The following TAB2 variants were observed in gnomAD, a reference collection of about 807,000 sequenced individuals.
The protein encoded by TAB2 is TGF-beta activated kinase 1 (MAP3K7) binding protein 2, also known as TGF-beta-activated kinase 1 and MAP3K7-binding protein 2.
In TAB2, 3 loss-of-function variants were observed where a neutral mutation model predicts 65.0. The ratio of observed to expected loss-of-function variants is 0.05; its 90% CI spans 0.02 to 0.12. The LOEUF (loss-of-function observed/expected upper bound fraction) is 0.12. TAB2 is among the 10% of genes least tolerant of loss of function. TAB2 has a pLI of 1.00. For synonymous variants in TAB2, 298 were observed against 285.1 expected (o/e 1.05, Z -0.46); for missense variants, 623 against 840.3 (o/e 0.74, Z 3.20).
chr6:149,231,768 C>T (rs73602095), intron 1 of TAB2, among the ~76,000 whole-genome samples: 14,101 of 152,146 alleles, frequency 0.093, 1,094 homozygotes, highest in African/African-American at 0.22. Flanking sequence ...ACATTTAGAC[C>T]GTATCTCTGG....
chr6:149,239,389 G>T (rs1225641161), intron 1 of TAB2, among the ~76,000 whole-genome samples: 1 of 152,158 alleles, frequency 6.6e-6, no homozygotes, highest in African/African-American at 2.4e-5. Flanking sequence ...CCATTTGATG[G>T]GCAGACCTCT....
At chr6:149,336,300 T>TA (rs1459732129) in intron 1 of TAB2, among the ~76,000 whole-genome samples, 1 of 152,216 alleles carries the variant, frequency 6.6e-6, no homozygotes, top group Admixed American at 6.5e-5. Flanking sequence ...TAGGTTCTGA[T>TA]AGAGGTGAAC....
At chr6:149,259,052 G>A (rs1298573033) in intron 1 of TAB2, among the ~76,000 whole-genome samples, 2 of 152,264 alleles carry the variant, frequency 1.3e-5, no homozygotes, top group East Asian at 3.9e-4. Context: ...CCTCCAGAAA[G>A]GAACACAATG....
chr6:149,274,615 T>C (rs2166493), intron 1 of TAB2, among the ~76,000 whole-genome samples: 81,341 of 152,100 alleles, frequency 0.53, 23,802 homozygotes, highest in African/African-American at 0.78. Flanking sequence ...AAAGAGGCTA[T>C]ACTCATTGTC....
chr6:149,269,514 T>G (rs560355074), intron 1 of TAB2, among the ~76,000 whole-genome samples: 61 of 152,286 alleles, frequency 4.0e-4, no homozygotes, highest in African/African-American at 1.4e-3. Context: ...TATAGAGTTG[T>G]GTAACCACCA....
intron 2 of TAB2, among the ~76,000 whole-genome samples, chr6:149,370,741 T>C (rs150242968): frequency 3.8e-4 from 58 of 152,288 alleles, no homozygotes; most frequent in Admixed American, 7.2e-4. Context: ...TGTGCCTTTC[T>C]ATTTTATTAA....
chr6:149,370,775 T>C (rs1781198164), intron 2 of TAB2, among the ~76,000 whole-genome samples: 1 of 152,082 alleles, frequency 6.6e-6, no homozygotes. Context: ...GTATCAGAAA[T>C]GTATTTGGGG....
chr6:149,260,868 G>A (rs1298939582), intron 1 of TAB2, among the ~76,000 whole-genome samples: 1 of 152,094 alleles, frequency 6.6e-6, no homozygotes, highest in Non-Finnish European at 1.5e-5. Context: ...CAAAACCTTC[G>A]TTTCCCACAT....
chr6:149,241,394 G>A (rs543636614), intron 1 of TAB2, among the ~76,000 whole-genome samples: 156 of 152,220 alleles, frequency 1.0e-3, no homozygotes, highest in African/African-American at 3.1e-3. Context: ...TTGATCCTGC[G>A]TACTGTAAAT....
At chr6:149,338,771 A>C (rs1194281906) in intron 1 of TAB2, among the ~76,000 whole-genome samples, 3 of 152,224 alleles carry the variant, frequency 2.0e-5, no homozygotes, top group Admixed American at 6.5e-5. Flanking sequence ...GGTGTGCCTA[A>C]ATAAGTGAAG....
At chr6:149,379,638 G>A in intron 3 of TAB2, 120 bp downstream of exon 3, 1 of 905,288 alleles carries the variant, frequency 1.1e-6, no homozygotes, top group Non-Finnish European at 1.8e-6. Context: ...TGCCCCAAAT[G>A]ATGTTATTGT....
At chr6:149,366,682 G>C (rs1202822056) in intron 1 of TAB2, among the ~76,000 whole-genome samples, 1 of 151,980 alleles carries the variant, frequency 6.6e-6, no homozygotes. Context: ...CATTTCTACT[G>C]TTTATAGTTG....
intron 1 of TAB2, among the ~76,000 whole-genome samples, chr6:149,326,549 ATTATT>A (rs1412140541): frequency 1.8e-5 from 1 of 54,058 alleles, no homozygotes; most frequent in South Asian, 9.6e-4. Context: ...TGTTTTTGTT[ATTATT>A]TTTTTTTTTT....
intron 1 of TAB2, among the ~76,000 whole-genome samples, chr6:149,232,199 C>T (rs1023846679): frequency 4.6e-5 from 7 of 152,078 alleles, no homozygotes; most frequent in Non-Finnish European, 1.0e-4. Flanking sequence ...CGGGGACCAC[C>T]AGCCAACCCA....
chr6:149,229,635 C>A (rs149068575), intron 1 of TAB2, among the ~76,000 whole-genome samples: 45 of 152,202 alleles, frequency 3.0e-4, no homozygotes, highest in African/African-American at 1.1e-3. Context: ...GGAGGCCTGG[C>A]AATAGGTGGT....
chr6:149,256,172 C>T (rs1040869145), intron 1 of TAB2, among the ~76,000 whole-genome samples: 5 of 152,268 alleles, frequency 3.3e-5, no homozygotes, highest in East Asian at 3.9e-4. Context: ...GAAGAGGAAA[C>T]ATTTTACAGT....
intron 1 of TAB2, among the ~76,000 whole-genome samples, chr6:149,359,144 GGATT>G: frequency 6.6e-6 from 1 of 151,910 alleles, no homozygotes; most frequent in South Asian, 2.1e-4. Context: ...TACTCATGGT[GGATT>G]ATTTCTTTGT....
At chr6:149,399,010 A>T in intron 5 of TAB2, 94 bp from the exon 6 acceptor site, 1 of 1,039,282 alleles carries the variant, frequency 9.6e-7, no homozygotes, top group Non-Finnish European at 1.5e-6. Context: ...CATTTCTTAT[A>T]GCGTGTTTAT....
At chr6:149,312,695 C>T (rs1185297330) in intron 1 of TAB2, among the ~76,000 whole-genome samples, 9 of 152,170 alleles carry the variant, frequency 5.9e-5, no homozygotes, top group Non-Finnish European at 1.0e-4. Context: ...AAATTCTTTG[C>T]TTTTCACATA....
Sources: gnomAD v4.1 joint callset for allele counts (sites outside exome capture counted in the v4.1 genomes callset) on GRCh38, gnomAD v4.1.1 for gene constraint, MANE v1.5 for transcripts, NCBI Gene and HGNC (gene_info 2026-07-23, HGNC 2026-07-21) for gene names.